Variants in XPO5 observed in about 807,000 individuals in gnomAD.
The protein encoded by XPO5 is exportin-5.
In XPO5, 46 loss-of-function variants were observed where a neutral mutation model predicts 160.6. That is an observed-to-expected ratio of 0.29 (90% CI 0.23 to 0.37). XPO5 has a LOEUF of 0.37. Ranked by LOEUF, XPO5 falls within the 10% of genes least tolerant of loss-of-function variation. XPO5 has a pLI of 1.00. For missense variants in XPO5, 1,090 were observed against 1,463.9 expected, an observed-to-expected ratio of 0.74 and a Z score of 4.17; for synonymous variants, 537 against 519.3, an observed-to-expected ratio of 1.03 and a Z score of -0.46.
At chr6:43,570,311 C>CAAAAAA (rs70990200) in intron 5 of XPO5, among the ~76,000 whole-genome samples, 191 bp downstream of exon 5, 6 of 77,188 alleles carry the variant, frequency 7.8e-5, no homozygotes, top group African/African-American at 1.8e-4. Flanking sequence ...GCCTCCGTCT[C>CAAAAAA]AAAAAAAAAA....
At chr6:43,572,707 C>A (rs1305398636) in intron 2 of XPO5, 129 bp from the exon 3 acceptor site, 2 of 1,031,162 alleles carry the variant, frequency 1.9e-6, no homozygotes, top group Non-Finnish European at 2.8e-6. Context: ...TGATTTTGTA[C>A]CTGTCAATGA....
chr6:43,557,924 C>A (rs1762191361), intron 12 of XPO5, among the ~76,000 whole-genome samples: 1 of 151,528 alleles, frequency 6.6e-6, no homozygotes, highest in Non-Finnish European at 1.5e-5. Flanking sequence ...GGAGAAACCC[C>A]ATCTCTACCA....
intron 20 of XPO5, among the ~76,000 whole-genome samples, chr6:43,542,082 C>T (rs1794725526): frequency 6.6e-6 from 1 of 152,220 alleles, no homozygotes; most frequent in South Asian, 2.1e-4. Context: ...CGCACCCGGC[C>T]GATTTTAGAA....
intron 4 of XPO5, 40 bp downstream of exon 4, chr6:43,570,817 A>G: frequency 1.3e-6 from 2 of 1,562,258 alleles, no homozygotes; most frequent in South Asian, 2.4e-5. Context: ...AGTTTGTTCC[A>G]AGGAAAAGTA....
chr6:43,540,012 T>C (rs1416394839), intron 20 of XPO5, among the ~76,000 whole-genome samples: 3 of 152,242 alleles, frequency 2.0e-5, no homozygotes, highest in Admixed American at 6.5e-5. Flanking sequence ...CCCAATACTT[T>C]GGGAGGCCAA....
chr6:43,533,563 G>A, intron 21 of XPO5: 1 of 181,388 alleles, frequency 5.5e-6, no homozygotes. Flanking sequence ...GAACCCATAA[G>A]AACGCCTGTA....
At chr6:43,567,388 T>A (rs1203177316) in intron 6 of XPO5, 34 bp from the exon 7 acceptor site, 2 of 1,559,860 alleles carry the variant, frequency 1.3e-6, no homozygotes, top group South Asian at 2.5e-5. Context: ...GACCATGAAG[T>A]CCTCGGTAAC....
chr6:43,575,906 G>A lies in XPO5; in HGVS notation c.-42C>T, dbSNP rs1359596534. 4 of 1,589,708 alleles carry A rather than the reference G, an allele frequency of 2.5e-6. No homozygotes were observed. The highest frequency in any genetic ancestry group is 1.7e-5 in the Admixed American group (1 of 59,282). The stretch of plus-strand genomic sequence containing the variant: ...CGAGAGCGCACACCACTGCAGTCCC[G>A]GGACCACGAGGCACGACAGCTCCCT... On this transcript the variant is annotated 5_prime_UTR_variant, in exon 1 of 32. Coordinates refer to ENST00000265351, the MANE Select transcript of XPO5 (RefSeq NM_020750.3).
intron 30 of XPO5, 75 bp downstream of exon 30, chr6:43,524,756 A>C: frequency 6.3e-7 from 1 of 1,592,870 alleles, no homozygotes; most frequent in African/African-American, 1.3e-5. Context: ...TGAATTTAGG[A>C]TAAGGCCCAA....
intron 24 of XPO5, 23 bp from the exon 25 acceptor site, chr6:43,528,228 A>G: frequency 6.3e-7 from 1 of 1,577,482 alleles, no homozygotes; most frequent in Middle Eastern, 1.7e-4. Context: ...AAAGGAAATA[A>G]ATGCTAGAAT....
chr6:43,534,372 T>C (rs1794184206), intron 20 of XPO5, among the ~76,000 whole-genome samples: 3 of 152,140 alleles, frequency 2.0e-5, no homozygotes, highest in African/African-American at 7.2e-5. Context: ...GATTTACAGG[T>C]AGGAACACAG....
intron 8 of XPO5, among the ~76,000 whole-genome samples, chr6:43,563,420 C>T (rs1762512806): frequency 6.6e-6 from 1 of 152,136 alleles, no homozygotes; most frequent in South Asian, 2.1e-4. Context: ...CAGGCATGAG[C>T]CATTGGGCCC....
rs112085617 is a variant in XPO5, at chr6:43,524,615, T to C, written c.3333A>G (p.Ile1111Met). The change falls in exon 31 of 32, where the codon ATA (isoleucine) becomes ATG (methionine). Residue 1111 changes from isoleucine to methionine, a missense_variant. This residue lies in a region of XPO5 where 810 missense variants were observed against 1,139.0 expected (regional missense o/e 0.71). Transcript: ENST00000265351. ...YEALRPRYLE[I>M]RAVMEQIPEI... is the part of the protein sequence containing the mutation. Reference sequence around the variant, plus strand: ...CAGGGATTTGCTCCATTACAGCTCTTATCTCCAGGTACCTGGGGCGCTGAT... The same window carrying C: ...CAGGGATTTGCTCCATTACAGCTCTCATCTCCAGGTACCTGGGGCGCTGAT... 151 of 1,613,988 alleles carry C rather than the reference T, an allele frequency of 9.4e-5. 2 individuals are homozygous for C. The Middle Eastern group carries it at 2.3e-3, about 25-fold the overall frequency.
chr6:43,570,764 C>T, intron 4 of XPO5, 80 bp from the exon 5 acceptor site: 1 of 1,153,746 alleles, frequency 8.7e-7, no homozygotes. Flanking sequence ...TTTCTGTTGC[C>T]AAAAAAAAAA....
At chr6:43,556,106 A>T in intron 12 of XPO5, 142 bp from the exon 13 acceptor site, 1 of 1,085,212 alleles carries the variant, frequency 9.2e-7, no homozygotes, top group Non-Finnish European at 1.3e-6. Context: ...TGTAATAATC[A>T]CTCAATAAAA....
chr6:43,571,553 A>G (rs1218527862), intron 3 of XPO5, among the ~76,000 whole-genome samples: 1 of 152,204 alleles, frequency 6.6e-6, no homozygotes, highest in African/African-American at 2.4e-5. Flanking sequence ...TAATCTCAGC[A>G]TTTTGGAAAG....
chr6:43,523,898 C>T lies in XPO5; in HGVS notation c.3585G>A (p.Gly1195=). ...MLETEVLDND[G]GGLATIFEP The stretch of plus-strand genomic sequence containing the variant: ...GTTCAAAGATGGTGGCCAGGCCACC[C>T]CCATCATTGTCCAGCACCTCCGTCT... Residue 1195 remains glycine, a synonymous_variant, in exon 32 of 32, where the codon GGG becomes GGA. Coordinates refer to ENST00000265351, the MANE Select transcript of XPO5 (RefSeq NM_020750.3). 8 of 1,613,992 alleles carry T rather than the reference C, an allele frequency of 5.0e-6. No homozygotes were observed. Among genetic ancestry groups the T allele is most frequent in the South Asian group, 1.1e-5 (1 of 91,084 alleles).
At chr6:43,575,717 A>G in intron 1 of XPO5, 43 bp downstream of exon 1, 3 of 1,555,274 alleles carry the variant, frequency 1.9e-6, no homozygotes, top group Non-Finnish European at 2.6e-6. Context: ...TGGGGCTGGG[A>G]GAGGGTGTCG....
chr6:43,554,302 G>A (rs1761902168), intron 13 of XPO5, among the ~76,000 whole-genome samples: 1 of 151,530 alleles, frequency 6.6e-6, no homozygotes, highest in South Asian at 2.1e-4. Context: ...TAGTAGAGAC[G>A]AGGTTTCACC....
Sources: gnomAD v4.1 joint callset for allele counts (sites outside exome capture counted in the v4.1 genomes callset) on GRCh38, gnomAD v4.1.1 for gene constraint, gnomAD v4.1.1 regional missense constraint, MANE v1.5 for transcripts, NCBI Gene and HGNC (gene_info 2026-07-23, HGNC 2026-07-21) for gene names.